ATP8B4: variants seen among roughly 807,000 people sequenced by gnomAD.
ATP8B4 encodes the protein probable phospholipid-transporting ATPase IM.
Under a neutral mutation model 145.6 loss-of-function variants are expected in ATP8B4, and 133 were observed. The observed-to-expected ratio is 0.91, with a 90% CI of 0.79 to 1.05. ATP8B4 has a LOEUF of 1.05. Ranked by LOEUF, ATP8B4 falls within the 50% of genes least tolerant of loss-of-function variation. ATP8B4 has a pLI of 0.00. For synonymous variants in ATP8B4, 507 were observed against 492.9 expected, an observed-to-expected ratio of 1.03 and a Z score of -0.38; for missense variants, 1,458 against 1,425.2, an observed-to-expected ratio of 1.02 and a Z score of -0.37.
intron 25 of ATP8B4, among the ~76,000 whole-genome samples, chr15:49,869,659 A>T (rs2033377458): frequency 6.6e-6 from 1 of 152,194 alleles, no homozygotes; most frequent in Non-Finnish European, 1.5e-5. Context: ...AAACTTTAAT[A>T]TGCTTTTCTC....
intron 19 of ATP8B4, among the ~76,000 whole-genome samples, chr15:49,918,117 A>T (rs960856622): frequency 4.6e-5 from 7 of 152,382 alleles, no homozygotes; most frequent in Admixed American, 3.9e-4. Context: ...ATTTACAAAT[A>T]GCCAAGCATA....
chr15:50,085,958 T>TTTATTTATATATGATATATATC (rs1567331292), intron 2 of ATP8B4, among the ~76,000 whole-genome samples: 1 of 29,238 alleles, frequency 3.4e-5, no homozygotes, highest in Non-Finnish European at 5.0e-5. Context: ...ATATATCATA[T>TTTATTTATATATGATATATATC]ATATTTATAT....
intron 12 of ATP8B4, among the ~76,000 whole-genome samples, chr15:49,978,739 TACACACACACACACAC>T (rs60436585): frequency 5.2e-4 from 64 of 122,854 alleles, no homozygotes; most frequent in African/African-American, 1.6e-3. Context: ...CTTTATCAAA[TACACACACACACACAC>T]ACACACACAC....
chr15:50,157,756 CCCACGGTCTCCCTCTCCCTCTCTCT>C (rs2044442375), intron 1 of ATP8B4, among the ~76,000 whole-genome samples: 2 of 148,386 alleles, frequency 1.3e-5, no homozygotes, highest in South Asian at 2.2e-4. Flanking sequence ...TCTCCCTCTC[CCCACGGTCTCCCTCTCCCTCTCTCT>C]CCACGGTCTC....
chr15:50,020,295 T>TTC (rs1462782616), intron 6 of ATP8B4, among the ~76,000 whole-genome samples: 81 of 150,384 alleles, frequency 5.4e-4, no homozygotes, highest in African/African-American at 1.9e-3. Flanking sequence ...TAGATGGAGT[T>TTC]TTTCTTGTTG....
intron 16 of ATP8B4, among the ~76,000 whole-genome samples, chr15:49,930,299 T>C (rs1474642565): frequency 9.2e-5 from 14 of 152,000 alleles, no homozygotes; most frequent in Admixed American, 9.2e-4. Flanking sequence ...AGGGCCTTTA[T>C]TTTCTTAGAG....
At chr15:50,057,279 C>T (rs941762537) in intron 3 of ATP8B4, among the ~76,000 whole-genome samples, 1 of 152,146 alleles carries the variant, frequency 6.6e-6, no homozygotes, top group African/African-American at 2.4e-5. Flanking sequence ...CTCAGGCAGT[C>T]CTTAAAAAAT....
intron 2 of ATP8B4, among the ~76,000 whole-genome samples, chr15:50,080,877 G>A (rs939883206): frequency 1.3e-5 from 2 of 152,092 alleles, no homozygotes; most frequent in African/African-American, 2.4e-5. Flanking sequence ...ACTTTGGGAG[G>A]CCGAGGCAGG....
chr15:50,077,226 C>T (rs1305500763), intron 2 of ATP8B4, among the ~76,000 whole-genome samples: 1 of 152,198 alleles, frequency 6.6e-6, no homozygotes, highest in South Asian at 2.1e-4. Flanking sequence ...AGTAAGCCAG[C>T]ATGTTTAAAG....
At chr15:49,994,273 C>T (rs1241066674) in intron 9 of ATP8B4, among the ~76,000 whole-genome samples, 1 of 152,134 alleles carries the variant, frequency 6.6e-6, no homozygotes, top group Non-Finnish European at 1.5e-5. Context: ...CCTGGTCCTA[C>T]AAGGCCACTT....
At chr15:50,004,455 A>G (rs560398800) in intron 7 of ATP8B4, among the ~76,000 whole-genome samples, 1 of 152,312 alleles carries the variant, frequency 6.6e-6, no homozygotes, top group African/African-American at 2.4e-5. Flanking sequence ...CAGGACTCTG[A>G]GTCTCACAAC....
chr15:50,140,613 C>T (rs2044193199), intron 1 of ATP8B4, among the ~76,000 whole-genome samples: 1 of 151,952 alleles, frequency 6.6e-6, no homozygotes, highest in Non-Finnish European at 1.5e-5. Context: ...TGTATTAAAA[C>T]CATAACATAG....
intron 1 of ATP8B4, among the ~76,000 whole-genome samples, chr15:50,114,899 T>A (rs1176334918): frequency 6.6e-6 from 1 of 152,222 alleles, no homozygotes; most frequent in Non-Finnish European, 1.5e-5. Flanking sequence ...TGACATTCAA[T>A]TATCAAAGAC....
At chr15:49,869,163 C>T (rs918540966) in intron 25 of ATP8B4, among the ~76,000 whole-genome samples, 22 of 152,172 alleles carry the variant, frequency 1.4e-4, no homozygotes, top group African/African-American at 4.3e-4. Flanking sequence ...CCGCCCGCCT[C>T]GGCCTCACAA....
intron 1 of ATP8B4, among the ~76,000 whole-genome samples, chr15:50,181,235 T>C (rs376506981): frequency 6.6e-6 from 1 of 152,108 alleles, no homozygotes; most frequent in African/African-American, 2.4e-5. Flanking sequence ...AGGAGGACAG[T>C]AGAGGATGAA....
chr15:50,148,244 C>T (rs1320558776), intron 1 of ATP8B4, among the ~76,000 whole-genome samples: 2 of 151,814 alleles, frequency 1.3e-5, no homozygotes, highest in East Asian at 3.9e-4. Context: ...AATTAAAGAC[C>T]AAGGAAAAGC....
chr15:50,020,980 G>A (rs535917021), intron 6 of ATP8B4, among the ~76,000 whole-genome samples: 1 of 152,060 alleles, frequency 6.6e-6, no homozygotes, highest in East Asian at 1.9e-4. Context: ...AATAAAAATT[G>A]ATACAAAATA....
intron 1 of ATP8B4, among the ~76,000 whole-genome samples, chr15:50,181,711 G>T (rs1268761559): frequency 1.3e-5 from 2 of 152,196 alleles, no homozygotes; most frequent in Non-Finnish European, 2.9e-5. Context: ...ACAGGAGACC[G>T]CCTGGCAGTC....
In ATP8B4 at chr15:49,862,316, C is replaced by CTGT; in HGVS notation, c.3223_3225dup (p.Thr1075dup). 6.2e-7 allele frequency: 1 copy of CTGT among 1,613,892 alleles called. No homozygotes were observed. Among genetic ancestry groups the CTGT allele is most frequent in the Non-Finnish European group, 8.5e-7 (1 of 1,179,806 alleles). On this transcript the variant is annotated inframe_insertion, in exon 27 of 28. Coordinates refer to ENST00000284509, the MANE Select transcript of ATP8B4 (RefSeq NM_024837.4). Reference sequence around the variant, plus strand: ...GCCACCACTGGCATAACTGAAGCCACTGTTGTTAAGAGAATTACAAGCCAG... The same window carrying CTGT: ...GCCACCACTGGCATAACTGAAGCCACTGTTGTTGTTAAGAGAATTACAAGCCAG...
Sources: gnomAD v4.1 joint callset for allele counts (sites outside exome capture counted in the v4.1 genomes callset) on GRCh38, gnomAD v4.1.1 for gene constraint, MANE v1.5 for transcripts, NCBI Gene and HGNC (gene_info 2026-07-23, HGNC 2026-07-21) for gene names.